Variants in TRIM37 observed in about 807,000 individuals in gnomAD.
TRIM37 encodes the protein E3 ubiquitin-protein ligase TRIM37.
A neutral mutation model predicts 129.8 loss-of-function variants in TRIM37; 80 were observed. The observed-to-expected ratio is 0.62, with a 90% CI of 0.51 to 0.74. TRIM37 has a LOEUF of 0.74. Ranked by LOEUF, TRIM37 falls within the 30% of genes least tolerant of loss-of-function variation. The pLI is 0.00. For missense variants in TRIM37, 1,054 were observed against 1,176.5 expected (o/e 0.90, Z 1.52); for synonymous variants, 389 against 387.1 (o/e 1.00, Z -0.06).
chr17:59,083,768 G>C (rs2043514757), intron 5 of TRIM37, among the ~76,000 whole-genome samples: 1 of 152,024 alleles, frequency 6.6e-6, no homozygotes. Context: ...AATGAATAGA[G>C]GATATGTTTT....
intron 17 of TRIM37, among the ~76,000 whole-genome samples, chr17:59,037,311 T>A (rs531455894): frequency 1.3e-5 from 2 of 151,580 alleles, no homozygotes; most frequent in Non-Finnish European, 2.9e-5. Context: ...GTAATCCCAG[T>A]ACTTTGGGAG....
chr17:59,018,779 A>G (rs570819700), intron 19 of TRIM37, among the ~76,000 whole-genome samples: 5 of 152,208 alleles, frequency 3.3e-5, no homozygotes, highest in African/African-American at 9.6e-5. Flanking sequence ...TGAAAATGTA[A>G]GAGACCCACA....
At chr17:58,994,115 G>C (rs149343443), downstream of TRIM37, among the ~76,000 whole-genome samples, 429 of 152,266 alleles carry the variant, frequency 2.8e-3, 2 homozygotes, top group Admixed American at 7.8e-3. Flanking sequence ...ATGAGAGCTA[G>C]GCTTCTGTCA....
chr17:59,031,650 C>CA (rs1200063865), intron 18 of TRIM37, among the ~76,000 whole-genome samples: 1 of 152,178 alleles, frequency 6.6e-6, no homozygotes, highest in African/African-American at 2.4e-5. Flanking sequence ...AACTGTCAGG[C>CA]AAAATCTGAG....
Position 59,042,470 on chromosome 17 carries a change from A to ATC in TRIM37, c.1668-573_1668-572insGA, listed in dbSNP as rs1568066849. On this transcript the variant is annotated intron_variant, in intron 16 of 23. Coordinates refer to ENST00000262294, the MANE Select transcript of TRIM37 (RefSeq NM_015294.6). ...AAAAAATATATATATATATATATAT[A>ATC]TATATCTCAAGGCCGGGCGCAGTGA... Among the ~76,000 whole-genome samples the ATC allele has an allele frequency of 6.1e-4, 69 of 112,928 alleles. 1 individual carries two copies. The highest frequency in any genetic ancestry group is 2.1e-3 in the African/African-American group (65 of 31,400). 74.1% of individuals were successfully genotyped at this position (112,928 alleles called of 152,430 possible).
intron 17 of TRIM37, among the ~76,000 whole-genome samples, chr17:59,036,583 A>T (rs892416205): frequency 6.6e-6 from 1 of 151,848 alleles, no homozygotes; most frequent in Non-Finnish European, 1.5e-5. Context: ...CCTAGGCTCA[A>T]GTGATCCTAC....
intron 24 of TRIM37, among the ~76,000 whole-genome samples, chr17:58,992,262 A>T (rs528861209): frequency 5.5e-5 from 7 of 126,412 alleles, no homozygotes; most frequent in African/African-American, 1.7e-4. Context: ...TATATATATA[A>T]ATATAAATAT....
Position 59,028,735 on chromosome 17 carries a change from T to C in TRIM37, c.1949-12A>G, listed in dbSNP as rs1409660715. Reference sequence around the variant, plus strand: ...TCGAGAATATGATGCTTCAGAGAAATTGACAAGTCATGTTAACATAAACGT... The same window carrying C: ...TCGAGAATATGATGCTTCAGAGAAACTGACAAGTCATGTTAACATAAACGT... On this transcript the variant is annotated splice_polypyrimidine_tract_variant and intron_variant, in intron 18 of 23. Coordinates refer to ENST00000262294, the MANE Select transcript of TRIM37 (RefSeq NM_015294.6). 2 of 1,614,012 alleles carry C rather than the reference T, an allele frequency of 1.2e-6. No homozygotes were observed. Among genetic ancestry groups the C allele is most frequent in the South Asian group, 1.1e-5 (1 of 91,066 alleles).
intron 3 of TRIM37, 68 bp downstream of exon 3, chr17:59,091,232 T>G (rs374056791): frequency 8.8e-6 from 11 of 1,245,770 alleles, no homozygotes; most frequent in Admixed American, 3.8e-5. Context: ...ACTGCCTTTA[T>G]GAATCCCAAG....
At chr17:59,024,171 C>T (rs1399860389) in intron 19 of TRIM37, among the ~76,000 whole-genome samples, 1 of 148,356 alleles carries the variant, frequency 6.7e-6, no homozygotes, top group African/African-American at 2.5e-5. Context: ...CCGAGATCGC[C>T]CCATCGCACT....
intron 2 of TRIM37, among the ~76,000 whole-genome samples, chr17:59,096,246 AAG>A (rs910352871): frequency 6.6e-6 from 1 of 152,086 alleles, no homozygotes; most frequent in African/African-American, 2.4e-5. Flanking sequence ...AGACCAAAAA[AAG>A]AGAGTTTAAA....
Position 59,015,773 on chromosome 17 carries a change from TCCC to T in TRIM37, c.2410_2412del (p.Gly804del), listed in dbSNP as rs769250102. 62 of 1,613,370 alleles carry T rather than the reference TCCC, an allele frequency of 3.8e-5. No homozygotes were observed. Among genetic ancestry groups the T allele is most frequent in the Non-Finnish European group, 4.9e-5 (58 of 1,179,982 alleles). ...AAGGCTCGGGGAGAACTGTGCCTGC[TCCC>T]AGACTGAGAGCTTCCTGGGGAGCCT... On this transcript the variant is annotated inframe_deletion, in exon 21 of 24. Coordinates refer to ENST00000262294, the MANE Select transcript of TRIM37 (RefSeq NM_015294.6).
At chr17:58,972,059 T>C in the TRIM37 span, 1 of 1,416,968 alleles carries the variant, frequency 7.1e-7, no homozygotes, top group South Asian at 1.3e-5. Flanking sequence ...AGCTTAATTA[T>C]AAATTGCTTC....
At position 59,088,340 on chromosome 17, in the gene TRIM37, T is replaced by C; in HGVS notation, c.232A>G (p.Thr78Ala). The change falls in exon 4 of 24, where the codon ACT (threonine) becomes GCT (alanine). Residue 78 changes from threonine to alanine, a missense_variant. By Grantham distance (58) the Thr-to-Ala change is moderately conservative. Transcript: ENST00000262294. ...WAEEVTQQLD[T>A]LQLCSLTKHE... is the part of the protein sequence containing the mutation. ...TTGGTGAGACTGCAGAGTTGAAGAG[T>C]ATCAAGCTGTTGTGTTACTTCTTCT... The C allele has an allele frequency of 6.2e-7, 1 of 1,613,678 alleles. No individual in the cohort carries two copies. Among genetic ancestry groups the C allele is most frequent in the Non-Finnish European group, 8.5e-7 (1 of 1,179,762 alleles).
chr17:58,986,378 T>A (rs2031812486), intron 24 of TRIM37, among the ~76,000 whole-genome samples: 1 of 151,504 alleles, frequency 6.6e-6, no homozygotes, highest in Non-Finnish European at 1.5e-5. Context: ...TTATTATTAT[T>A]AGTGGAGGTG....
At chr17:59,031,269 G>T (rs1708856079) in intron 18 of TRIM37, among the ~76,000 whole-genome samples, 1 of 152,004 alleles carries the variant, frequency 6.6e-6, no homozygotes, top group South Asian at 2.1e-4. Flanking sequence ...ATATATTTTT[G>T]AATATACTGA....
chr17:58,985,716 T>TCAATA (rs1204140232), intron 24 of TRIM37, among the ~76,000 whole-genome samples: 1 of 152,014 alleles, frequency 6.6e-6, no homozygotes, highest in Non-Finnish European at 1.5e-5. Context: ...TCCAAACGAG[T>TCAATA]CAACCTTGTC....
At chr17:58,977,991 C>T (rs2031122475), downstream of TRIM37, among the ~76,000 whole-genome samples, 1 of 152,246 alleles carries the variant, frequency 6.6e-6, no homozygotes, top group Admixed American at 6.5e-5. Context: ...ATCCTCCCGC[C>T]TTGGCCTCCC....
chr17:58,987,101 A>G (rs1278495247), intron 24 of TRIM37, among the ~76,000 whole-genome samples: 1 of 152,198 alleles, frequency 6.6e-6, no homozygotes, highest in Non-Finnish European at 1.5e-5. Context: ...GGGCCCTCAC[A>G]CACAGGTTCT....
Sources: gnomAD v4.1 joint callset for allele counts (sites outside exome capture counted in the v4.1 genomes callset) on GRCh38, gnomAD v4.1.1 for gene constraint, MANE v1.5 for transcripts, NCBI Gene and HGNC (gene_info 2026-07-23, HGNC 2026-07-21) for gene names.